The following COL22A1 variants were observed in gnomAD, a reference collection of about 807,000 sequenced individuals.
The protein encoded by COL22A1 is collagen type XXII alpha 1 chain, also known as collagen alpha-1(XXII) chain.
In COL22A1, 221 loss-of-function variants were observed where a neutral mutation model predicts 248.9. The ratio of observed to expected loss-of-function variants is 0.89; its 90% CI spans 0.80 to 0.99. COL22A1 has a LOEUF of 0.99. Ranked by LOEUF, COL22A1 falls within the 50% of genes least tolerant of loss-of-function variation. The pLI is 0.00. For synonymous variants in COL22A1, 891 were observed against 793.4 expected, an observed-to-expected ratio of 1.12 and a Z score of -2.07; for missense variants, 2,240 against 2,179.0, an observed-to-expected ratio of 1.03 and a Z score of -0.56.
rs771793100 is a variant in COL22A1, at chr8:138,811,791, G to A, written c.1449+8C>T. 1 of 1,495,776 alleles carries A rather than the reference G, an allele frequency of 6.7e-7. No homozygotes were observed. Among genetic ancestry groups the A allele is most frequent in the South Asian group, 1.1e-5 (1 of 89,810 alleles). 92.7% of individuals were successfully genotyped at this position (1,495,776 alleles called of 1,614,324 possible). ...CTGCTGGGGCTGAAGGTGGACTGCAGACAATACCTTCTCTCCAGCTGGGCA... is the reference window on the plus strand; with the variant it reads ...CTGCTGGGGCTGAAGGTGGACTGCAAACAATACCTTCTCTCCAGCTGGGCA... On this transcript the variant is annotated splice_region_variant and intron_variant, in intron 9 of 64. Coordinates refer to ENST00000303045, the MANE Select transcript of COL22A1 (RefSeq NM_152888.3).
intron 30 of COL22A1, among the ~76,000 whole-genome samples, chr8:138,706,566 A>G (rs1444045453): frequency 6.6e-6 from 1 of 152,236 alleles, no homozygotes; most frequent in African/African-American, 2.4e-5. Context: ...GAAGGCAGAA[A>G]TAAAGATGTT....
chr8:138,897,745 T>C (rs1434596293), intron 1 of COL22A1, among the ~76,000 whole-genome samples: 2 of 151,466 alleles, frequency 1.3e-5, no homozygotes, highest in Non-Finnish European at 2.9e-5. Context: ...CTTCAACAGA[T>C]GAGTAAGCTG....
At chr8:138,652,007 G>A (rs992559848) in intron 45 of COL22A1, among the ~76,000 whole-genome samples, 1 of 152,180 alleles carries the variant, frequency 6.6e-6, no homozygotes, top group Non-Finnish European at 1.5e-5. Flanking sequence ...AGACCTACCT[G>A]TGAGGGAGCT....
chr8:138,720,597 C>T, intron 27 of COL22A1, 142 bp downstream of exon 27: 1 of 729,366 alleles, frequency 1.4e-6, no homozygotes, highest in East Asian at 2.5e-5. Flanking sequence ...TAACCCTGCC[C>T]CTTTTCAAGT....
At chr8:138,899,136 C>T (rs1418579453) in intron 1 of COL22A1, among the ~76,000 whole-genome samples, 2 of 152,146 alleles carry the variant, frequency 1.3e-5, no homozygotes, top group Non-Finnish European at 2.9e-5. Context: ...CCTCTTCCCC[C>T]TCTTTATTCT....
intron 16 of COL22A1, among the ~76,000 whole-genome samples, chr8:138,765,324 T>G (rs539179117): frequency 1.4e-4 from 22 of 152,292 alleles, no homozygotes; most frequent in African/African-American, 5.3e-4. Flanking sequence ...GCCCATGGAC[T>G]CTCACCCTCT....
intron 3 of COL22A1, among the ~76,000 whole-genome samples, chr8:138,853,923 C>A (rs4736084): frequency 0.069 from 10,455 of 152,232 alleles, 407 homozygotes; most frequent in African/African-American, 0.11. Context: ...CAACAGTGTG[C>A]CCTGCAGAGA....
chr8:138,639,161 G>C (rs1216136259), intron 47 of COL22A1, among the ~76,000 whole-genome samples: 1 of 152,164 alleles, frequency 6.6e-6, no homozygotes, highest in African/African-American at 2.4e-5. Context: ...TCTACTCTCT[G>C]AGGTAGGGCT....
intron 57 of COL22A1, 73 bp from the exon 58 acceptor site, chr8:138,606,525 C>T (rs1371992546): frequency 7.0e-7 from 1 of 1,434,276 alleles, no homozygotes; most frequent in Non-Finnish European, 9.7e-7. Flanking sequence ...AACCTTGTGA[C>T]CACTCTGAAA....
intron 56 of COL22A1, among the ~76,000 whole-genome samples, chr8:138,609,439 T>C (rs781079939): frequency 1.3e-5 from 2 of 152,152 alleles, no homozygotes; most frequent in Non-Finnish European, 2.9e-5. Context: ...CTGGGAATCA[T>C]GCAGCACAGA....
intron 12 of COL22A1, among the ~76,000 whole-genome samples, chr8:138,791,120 T>TCA (rs1815995454): frequency 6.6e-6 from 1 of 152,216 alleles, no homozygotes; most frequent in South Asian, 2.1e-4. Context: ...ATGATGTCTT[T>TCA]CACCTGCAAT....
At chr8:138,659,080 C>G (rs1235306872) in intron 44 of COL22A1, among the ~76,000 whole-genome samples, 3 of 152,190 alleles carry the variant, frequency 2.0e-5, no homozygotes, top group African/African-American at 7.2e-5. Flanking sequence ...CTCACTCTCC[C>G]TGCACTTCAC....
intron 47 of COL22A1, among the ~76,000 whole-genome samples, chr8:138,641,830 G>A (rs148663324): frequency 6.6e-6 from 1 of 152,190 alleles, no homozygotes; most frequent in African/African-American, 2.4e-5. Flanking sequence ...TCCATCAGGG[G>A]TAGCATTTTC....
chr8:138,664,256 C>G (rs1008673042), intron 41 of COL22A1, among the ~76,000 whole-genome samples: 15 of 143,626 alleles, frequency 1.0e-4, no homozygotes, highest in Middle Eastern at 7.4e-3. Context: ...CACACACACA[C>G]AGATACAGAC....
At chr8:138,683,960 C>T (rs1826145266) in intron 39 of COL22A1, among the ~76,000 whole-genome samples, 1 of 152,098 alleles carries the variant, frequency 6.6e-6, no homozygotes, top group African/African-American at 2.4e-5. Context: ...AGTTAAGAGT[C>T]ATAGAAATGG....
rs1408836710 is a variant in COL22A1 at position 138,690,955 on chromosome 8, A to G, written c.2755-81T>C. ...CCCACTCTCTCTGCAAATCTGCCTC[A>G]TACTCAATTCACCGCAATGTGCTGG... On this transcript the variant is annotated intron_variant, in intron 35 of 64. Coordinates refer to ENST00000303045, the MANE Select transcript of COL22A1 (RefSeq NM_152888.3). 9 of 1,158,686 alleles carry G rather than the reference A, an allele frequency of 7.8e-6. No individual in the cohort carries two copies. In the Admixed American group the frequency reaches 2.1e-4, roughly 27 times the overall value. 71.8% of individuals were successfully genotyped at this position (1,158,686 alleles called of 1,614,324 possible).
At chr8:138,777,711 T>C (rs1771781832) in intron 15 of COL22A1, among the ~76,000 whole-genome samples, 1 of 152,246 alleles carries the variant, frequency 6.6e-6, no homozygotes, top group African/African-American at 2.4e-5. Context: ...TCCATTTTTA[T>C]GGCTGCGTAG....
At chr8:138,690,268 TG>T (rs1826729629) in intron 36 of COL22A1, among the ~76,000 whole-genome samples, 1 of 152,156 alleles carries the variant, frequency 6.6e-6, no homozygotes, top group Admixed American at 6.5e-5. Flanking sequence ...AAGTCTAAAT[TG>T]GTGTTTATGG....
intron 63 of COL22A1, among the ~76,000 whole-genome samples, chr8:138,592,543 C>T (rs557097356): frequency 1.6e-4 from 25 of 152,058 alleles, no homozygotes; most frequent in African/African-American, 6.0e-4. Context: ...CTAGAATATA[C>T]AAATTTAACA....
Sources: gnomAD v4.1 joint callset for allele counts (sites outside exome capture counted in the v4.1 genomes callset) on GRCh38, gnomAD v4.1.1 for gene constraint, MANE v1.5 for transcripts, NCBI Gene and HGNC (gene_info 2026-07-23, HGNC 2026-07-21) for gene names.